FAM227B: variants seen among roughly 807,000 people sequenced by gnomAD.
FAM227B encodes protein FAM227B.
FAM227B carries 88 observed loss-of-function variants against 73.8 expected under a neutral mutation model. The observed-to-expected ratio is 1.19, with a 90% CI of 1.00 to 1.42. FAM227B has a LOEUF of 1.42. Among genes scored for constraint, FAM227B ranks in the 40% most tolerant of loss-of-function variants. The pLI is 0.00. For synonymous variants in FAM227B, 210 were observed against 190.5 expected (o/e 1.10, Z -0.84); for missense variants, 632 against 590.9 (o/e 1.07, Z -0.72).
intron 11 of FAM227B, chr15:49,396,205 T>G (rs111289360): frequency 0.3 from 104,135 of 342,826 alleles, 18,057 homozygotes; most frequent in Non-Finnish European, 0.39. Context: ...GGTCAGGGAG[T>G]TCCCTTTCCG....
intron 11 of FAM227B, chr15:49,489,528 C>T (rs4547278): frequency 0.26 from 45,177 of 175,264 alleles, 6,971 homozygotes; most frequent in Non-Finnish European, 0.34. Flanking sequence ...ATTACCCTGC[C>T]ATCAGACTCA....
chr15:49,348,268 C>G (rs1282116162), intron 13 of FAM227B, among the ~76,000 whole-genome samples: 1 of 152,154 alleles, frequency 6.6e-6, no homozygotes, highest in Non-Finnish European at 1.5e-5. Flanking sequence ...CTACCCTCCA[C>G]AAAGCTATTC....
At chr15:49,571,808 C>A (rs1221167325) in intron 8 of FAM227B, among the ~76,000 whole-genome samples, 2 of 143,700 alleles carry the variant, frequency 1.4e-5, no homozygotes, top group African/African-American at 5.4e-5. Context: ...TCTTTTTGCT[C>A]AAGATTGCTC....
intron 11 of FAM227B, chr15:49,396,254 G>A (rs369133404): frequency 1.8e-4 from 70 of 386,726 alleles, no homozygotes; most frequent in African/African-American, 1.4e-3. Context: ...CTGGAAAATC[G>A]TGTCACTCCC....
intron 11 of FAM227B, among the ~76,000 whole-genome samples, chr15:49,501,201 CA>C (rs1399821168): frequency 2.0e-5 from 3 of 152,116 alleles, no homozygotes; most frequent in African/African-American, 7.2e-5. Context: ...GCATAATGGG[CA>C]GAGGCTGGAA....
chr15:49,352,084 T>C (rs983081940), intron 13 of FAM227B, among the ~76,000 whole-genome samples: 22 of 152,296 alleles, frequency 1.4e-4, no homozygotes, highest in Admixed American at 5.2e-4. Context: ...TGTCTGGGGC[T>C]GATACTTGCT....
intron 11 of FAM227B, among the ~76,000 whole-genome samples, chr15:49,371,645 T>TATAAATAAATGAAATAAAATTCACTA (rs1231096714): frequency 1.3e-4 from 19 of 150,604 alleles, no homozygotes; most frequent in Non-Finnish European, 2.2e-4. Context: ...AAAATTCACT[T>TATAAATAAATGAAATAAAATTCACTA]ATAAATAAAT....
chr15:49,413,017 A>G (rs2048970072), intron 11 of FAM227B, among the ~76,000 whole-genome samples: 1 of 152,074 alleles, frequency 6.6e-6, no homozygotes, highest in African/African-American at 2.4e-5. Context: ...CCCTTAGCTC[A>G]GCAAATGACA....
intron 11 of FAM227B, among the ~76,000 whole-genome samples, chr15:49,391,541 G>C (rs949021941): frequency 3.9e-5 from 6 of 152,106 alleles, no homozygotes; most frequent in African/African-American, 1.4e-4. Context: ...AAGGGAATAT[G>C]AAATCTGATT....
intron 13 of FAM227B, chr15:49,365,938 A>T (rs1254495706): frequency 2.7e-5 from 26 of 949,462 alleles, no homozygotes; most frequent in Non-Finnish European, 4.5e-5. Flanking sequence ...GAAAATTGCT[A>T]TCATAACATA....
rs530873474 is a variant in FAM227B, at chr15:49,584,899, C to G, written c.405+3117G>C. On this transcript the variant is annotated intron_variant, in intron 5 of 15. Transcript: ENST00000299338. ...CAAAAGAAACTACCATCAGAGTGAACAGGCAACCTACAGAATGGGAGAAAA... is the reference window on the plus strand; with the variant it reads ...CAAAAGAAACTACCATCAGAGTGAAGAGGCAACCTACAGAATGGGAGAAAA... Among the ~76,000 whole-genome samples, 6 of 152,166 alleles carry G rather than the reference C, an allele frequency of 3.9e-5. No individual in the cohort carries two copies. In the East Asian group the frequency reaches 9.7e-4, roughly 24 times the overall value.
At chr15:49,588,271 T>C (rs1166210048) in intron 4 of FAM227B, among the ~76,000 whole-genome samples, 188 bp from the exon 5 acceptor site, 4 of 151,750 alleles carry the variant, frequency 2.6e-5, no homozygotes, top group Non-Finnish European at 4.4e-5. Flanking sequence ...TTATATAAAG[T>C]ATATCTTCTG....
intron 13 of FAM227B, among the ~76,000 whole-genome samples, chr15:49,362,153 C>G (rs770405759): frequency 6.6e-6 from 1 of 151,980 alleles, no homozygotes; most frequent in Non-Finnish European, 1.5e-5. Context: ...TGTGTCCCCA[C>G]CCAAATCTCA....
chr15:49,615,172 G>GTTCT lies in FAM227B; in HGVS notation c.-2_-1insAGAA. 6.2e-7 allele frequency: 1 copy of GTTCT among 1,614,030 alleles called. No individual in the cohort carries two copies. Among genetic ancestry groups the GTTCT allele is most frequent in the Non-Finnish European group, 8.5e-7 (1 of 1,179,892 alleles). ...TTTGACATGTTCGTTGGCCTGCCAT[G>GTTCT]GTACAGTAACTTTGCAGAAATGAAG... On this transcript the variant is annotated 5_prime_UTR_variant, in exon 2 of 16. Coordinates refer to ENST00000299338, the MANE Select transcript of FAM227B (RefSeq NM_152647.3).
intron 11 of FAM227B, among the ~76,000 whole-genome samples, chr15:49,450,171 A>G (rs1014775118): frequency 2.0e-5 from 3 of 152,174 alleles, no homozygotes; most frequent in Non-Finnish European, 4.4e-5. Context: ...TGGAATTAGA[A>G]TGGCAGAAGA....
intron 9 of FAM227B, among the ~76,000 whole-genome samples, chr15:49,550,215 C>T (rs2072703402): frequency 6.7e-6 from 1 of 148,238 alleles, no homozygotes; most frequent in Non-Finnish European, 1.5e-5. Context: ...GGGCTGACCC[C>T]CCCACCTCCC....
chr15:49,402,060 C>G (rs2048200115), intron 11 of FAM227B, among the ~76,000 whole-genome samples: 1 of 152,042 alleles, frequency 6.6e-6, no homozygotes, highest in Non-Finnish European at 1.5e-5. Context: ...CTAGCTCAAC[C>G]ACTGATTAAA....
chr15:49,389,186 C>T (rs924383708), intron 11 of FAM227B, among the ~76,000 whole-genome samples: 1 of 151,908 alleles, frequency 6.6e-6, no homozygotes, highest in African/African-American at 2.4e-5. Context: ...AAGACACTTG[C>T]CCATGTATGT....
intron 5 of FAM227B, among the ~76,000 whole-genome samples, chr15:49,584,075 G>A (rs2075992976): frequency 1.3e-5 from 2 of 152,022 alleles, no homozygotes; most frequent in Admixed American, 1.3e-4. Flanking sequence ...GAGAACTACA[G>A]GCCAATACTC....
Sources: gnomAD v4.1 joint callset for allele counts (sites outside exome capture counted in the v4.1 genomes callset) on GRCh38, gnomAD v4.1.1 for gene constraint, MANE v1.5 for transcripts, NCBI Gene and HGNC (gene_info 2026-07-23, HGNC 2026-07-21) for gene names.